Variants in TRIM44 observed in about 807,000 individuals in gnomAD.
TRIM44 encodes tripartite motif-containing protein 44.
Under a neutral mutation model 37.4 loss-of-function variants are expected in TRIM44, and 13 were observed. The observed-to-expected ratio is 0.35, with a 90% CI of 0.23 to 0.55. The LOEUF is 0.55. Among genes scored for constraint, TRIM44 ranks in the 20% least tolerant of loss-of-function variants. TRIM44 has a pLI of 0.89. For synonymous variants in TRIM44, 175 were observed against 157.2 expected, an observed-to-expected ratio of 1.11 and a Z score of -0.85; for missense variants, 426 against 437.2, an observed-to-expected ratio of 0.97 and a Z score of 0.23.
chr11:35,727,747 G>A (rs1415219199), intron 3 of TRIM44, among the ~76,000 whole-genome samples: 2 of 152,110 alleles, frequency 1.3e-5, no homozygotes, highest in Non-Finnish European at 2.9e-5. Flanking sequence ...ATAGAGCCAG[G>A]GTTTAGATTT....
Position 35,800,794 on chromosome 11 carries a change from A to G in TRIM44, c.1008-5564A>G, listed in dbSNP as rs557959555. ...GCAAATTAATTAGCTCAGCAAGTCT[A>G]TATGTTGGAGGGAAGCTTTCTTAGT... On this transcript the variant is annotated intron_variant, in intron 4 of 4. Coordinates refer to ENST00000299413, the MANE Select transcript of TRIM44 (RefSeq NM_017583.6). Among the ~76,000 whole-genome samples, 36 of 152,288 alleles carry G rather than the reference A, an allele frequency of 2.4e-4. No homozygotes were observed. The South Asian group carries it at 4.8e-3, about 20-fold the overall frequency.
chr11:35,750,170 C>G (rs1002940550), intron 4 of TRIM44, among the ~76,000 whole-genome samples: 2 of 152,166 alleles, frequency 1.3e-5, no homozygotes, highest in Non-Finnish European at 2.9e-5. Flanking sequence ...GATCAAGTGT[C>G]TACTATGTGC....
At chr11:35,670,274 T>C (rs574060357) in intron 1 of TRIM44, among the ~76,000 whole-genome samples, 1 of 152,366 alleles carries the variant, frequency 6.6e-6, no homozygotes, top group Admixed American at 6.5e-5. Flanking sequence ...TCGTGTACTC[T>C]GCTTATCCTA....
chr11:35,768,927 G>T (rs1048391441), intron 4 of TRIM44, among the ~76,000 whole-genome samples: 2 of 152,174 alleles, frequency 1.3e-5, no homozygotes, highest in Admixed American at 1.3e-4. Flanking sequence ...TAAAATGGTG[G>T]TGTTTTTTAA....
At chr11:35,779,252 G>A (rs762097631) in intron 4 of TRIM44, among the ~76,000 whole-genome samples, 8 of 152,196 alleles carry the variant, frequency 5.3e-5, no homozygotes, top group South Asian at 2.1e-4. Context: ...AGCCAGGCAC[G>A]GGATATTATC....
At chr11:35,712,930 T>G (rs1175899368) in intron 2 of TRIM44, among the ~76,000 whole-genome samples, 2 of 152,214 alleles carry the variant, frequency 1.3e-5, no homozygotes, top group African/African-American at 4.8e-5. Flanking sequence ...CTTTCCCTGT[T>G]AGTTCAAGCT....
At chr11:35,697,486 G>A (rs542946351) in intron 2 of TRIM44, among the ~76,000 whole-genome samples, 1 of 146,520 alleles carries the variant, frequency 6.8e-6, no homozygotes. Context: ...AAGTTTTAGG[G>A]TACATGTGCA....
chr11:35,804,703 T>C (rs1263526893), intron 4 of TRIM44, among the ~76,000 whole-genome samples: 1 of 152,214 alleles, frequency 6.6e-6, no homozygotes, highest in African/African-American at 2.4e-5. Context: ...CATTAAATAC[T>C]GCTTCTTAAT....
intron 4 of TRIM44, among the ~76,000 whole-genome samples, chr11:35,772,078 G>A (rs1050594424): frequency 1.3e-5 from 2 of 152,196 alleles, no homozygotes; most frequent in South Asian, 4.1e-4. Flanking sequence ...AGGGGCCAAC[G>A]TAGAGCTCGG....
intron 4 of TRIM44, among the ~76,000 whole-genome samples, chr11:35,798,113 A>C (rs1358561552): frequency 1.3e-5 from 2 of 152,310 alleles, no homozygotes; most frequent in Non-Finnish European, 2.9e-5. Context: ...AAGGCAGGAC[A>C]ACTTGAAGTG....
At chr11:35,749,765 A>C (rs1852539251) in intron 4 of TRIM44, among the ~76,000 whole-genome samples, 1 of 152,254 alleles carries the variant, frequency 6.6e-6, no homozygotes, top group Non-Finnish European at 1.5e-5. Context: ...AGGTTTGACA[A>C]ACTAATAAGT....
rs1189543091 is a variant in TRIM44, at chr11:35,810,710, T to C, written c.*4325T>C. 1 of 152,164 alleles carries C rather than the reference T, an allele frequency of 6.6e-6. No individual in the cohort carries two copies. The highest frequency in any genetic ancestry group is 1.5e-5 in the Non-Finnish European group (1 of 68,040). The allele number at this position is 152,164 out of a possible 1,614,324, so 9.4% of individuals were successfully genotyped here. A position where few individuals can be genotyped will look rare whatever the true frequency, so the allele number is the denominator to read the frequency against. ...GCCCATACTGGGCTTGATATGACTT[T>C]GAGGGGACAGCAGATTAATACTTAA... On this transcript the variant is annotated 3_prime_UTR_variant, in exon 5 of 5. Coordinates refer to ENST00000299413, the MANE Select transcript of TRIM44 (RefSeq NM_017583.6).
intron 4 of TRIM44, among the ~76,000 whole-genome samples, chr11:35,795,225 A>G (rs1417900353): frequency 6.6e-6 from 1 of 152,130 alleles, no homozygotes; most frequent in Non-Finnish European, 1.5e-5. Flanking sequence ...TCTGTGGGCT[A>G]TGGACTTTAT....
chr11:35,710,848 C>T (rs918331024), intron 2 of TRIM44, among the ~76,000 whole-genome samples: 7 of 152,220 alleles, frequency 4.6e-5, no homozygotes, highest in South Asian at 2.1e-4. Context: ...GCCAAAGAGG[C>T]GTATTTTGGG....
At chr11:35,730,851 C>CTTTTTTTT (rs376635824) in intron 3 of TRIM44, among the ~76,000 whole-genome samples, 1 of 128,122 alleles carries the variant, frequency 7.8e-6, no homozygotes. Context: ...AGCCTTATAT[C>CTTTTTTTT]TTTTTTTTTT....
chr11:35,750,055 A>G (rs2135529223), intron 4 of TRIM44, among the ~76,000 whole-genome samples: 1 of 152,364 alleles, frequency 6.6e-6, no homozygotes, highest in African/African-American at 2.4e-5. Flanking sequence ...GGAAATTAAA[A>G]TCATTAAAGA....
intron 2 of TRIM44, 146 bp from the exon 3 acceptor site, chr11:35,725,778 G>A: frequency 1.3e-6 from 1 of 776,384 alleles, no homozygotes; most frequent in Middle Eastern, 3.9e-4. Context: ...GATATTAGGG[G>A]AACATTGTTT....
At chr11:35,691,914 G>T (rs141118850) in intron 2 of TRIM44, among the ~76,000 whole-genome samples, 681 of 152,246 alleles carry the variant, frequency 4.5e-3, no homozygotes, top group Non-Finnish European at 7.3e-3. Context: ...CAAAGTGCTG[G>T]GATTACAGGC....
At chr11:35,680,192 G>A (rs1851507426) in intron 1 of TRIM44, among the ~76,000 whole-genome samples, 1 of 152,136 alleles carries the variant, frequency 6.6e-6, no homozygotes, top group Admixed American at 6.5e-5. Context: ...ACTGTAAGCA[G>A]GAGACCTTGG....
Sources: allele counts gnomAD v4.1 joint callset (sites outside exome capture counted in the v4.1 genomes callset), GRCh38; gene constraint gnomAD v4.1.1; transcripts MANE v1.5; gene names NCBI Gene and HGNC (gene_info 2026-07-23, HGNC 2026-07-21).